Variants in RGS6 observed in about 807,000 individuals in gnomAD.
RGS6 encodes the protein regulator of G-protein signaling 6.
Under a neutral mutation model 78.5 loss-of-function variants are expected in RGS6, and 30 were observed. That is an observed-to-expected ratio of 0.38 (90% CI 0.29 to 0.52). The LOEUF (loss-of-function observed/expected upper bound fraction) is 0.52. Ranked by LOEUF, RGS6 falls within the 20% of genes least tolerant of loss-of-function variation. The pLI, the probability that RGS6 is intolerant of heterozygous loss-of-function variation, is 0.85. For synonymous variants in RGS6, 206 were observed against 206.0 expected, an observed-to-expected ratio of 1.00 and a Z score of 0.00; for missense variants, 495 against 609.7, an observed-to-expected ratio of 0.81 and a Z score of 1.98.
At chr14:72,413,012 T>C (rs940171468) in intron 3 of RGS6, among the ~76,000 whole-genome samples, 10 of 152,148 alleles carry the variant, frequency 6.6e-5, no homozygotes, top group African/African-American at 2.4e-4. Context: ...TTGAAATAGG[T>C]GTGGTGTGGT....
chr14:71,927,052 T>C, the RGS6 span, among the ~76,000 whole-genome samples: 1 of 152,218 alleles, frequency 6.6e-6, no homozygotes, highest in Non-Finnish European at 1.5e-5. Flanking sequence ...TATTCTGTGA[T>C]AATTCTGACT....
At chr14:72,077,374 T>C (rs1362519130) in intron 2 of RGS6, among the ~76,000 whole-genome samples, 1 of 152,182 alleles carries the variant, frequency 6.6e-6, no homozygotes, top group Non-Finnish European at 1.5e-5. Flanking sequence ...TCTCTCATGT[T>C]TTCTATTAGT....
intron 2 of RGS6, among the ~76,000 whole-genome samples, chr14:72,068,192 G>A (rs1415022295): frequency 6.7e-6 from 1 of 149,550 alleles, no homozygotes; most frequent in Non-Finnish European, 1.5e-5. Context: ...GGAGTGCAGT[G>A]GTACAATCTT....
At chr14:72,540,505 AG>A in intron 17 of RGS6, 22 of 1,544,116 alleles carry the variant, frequency 1.4e-5, no homozygotes, top group Admixed American at 6.0e-5. Flanking sequence ...AAAAAAAAAA[AG>A]CCAAAATTTC....
intron 2 of RGS6, among the ~76,000 whole-genome samples, chr14:72,267,279 A>G (rs531122223): frequency 6.6e-6 from 1 of 152,308 alleles, no homozygotes; most frequent in African/African-American, 2.4e-5. Flanking sequence ...TGATTGGGAA[A>G]TAGATTTTAA....
At chr14:72,252,094 A>C (rs543894855) in intron 2 of RGS6, among the ~76,000 whole-genome samples, 1 of 152,204 alleles carries the variant, frequency 6.6e-6, no homozygotes, top group Non-Finnish European at 1.5e-5. Context: ...AGATGGATGC[A>C]CTTGTGCTTT....
intron 2 of RGS6, among the ~76,000 whole-genome samples, chr14:72,320,626 CT>C (rs375956019): frequency 6.6e-6 from 1 of 151,198 alleles, no homozygotes; most frequent in Non-Finnish European, 1.5e-5. Context: ...CTATTAAAGA[CT>C]TTATCTAAGA....
chr14:72,430,080 G>A (rs1250191822), intron 3 of RGS6, among the ~76,000 whole-genome samples: 1 of 152,112 alleles, frequency 6.6e-6, no homozygotes, highest in African/African-American at 2.4e-5. Flanking sequence ...CCAGTCTCTG[G>A]CAGTTCTTTA....
Position 71,964,893 on chromosome 14 carries a change from G to A in RGS6, c.84+18G>A. 2 of 1,598,948 alleles carry A rather than the reference G, an allele frequency of 1.3e-6. No homozygotes were observed. Among genetic ancestry groups the A allele is most frequent in the Non-Finnish European group, 8.6e-7 (1 of 1,166,946 alleles). On this transcript the variant is annotated intron_variant, in intron 2 of 17. Coordinates refer to ENST00000553525, the MANE Select transcript of RGS6 (RefSeq NM_001204424.2). ...ACTGCAAAGTAAGGCGCCTGGTCAAGTGCCGTGCGTGCTGTCCGTGTGGAC... is the reference window on the plus strand; with the variant it reads ...ACTGCAAAGTAAGGCGCCTGGTCAAATGCCGTGCGTGCTGTCCGTGTGGAC...
the RGS6 span, among the ~76,000 whole-genome samples, chr14:72,597,238 C>CA: frequency 1.2e-3 from 169 of 142,990 alleles, 2 homozygotes; most frequent in Non-Finnish European, 1.4e-3. Flanking sequence ...GACTCCATCT[C>CA]AAAAAAAAAG....
rs551177923 is a variant in RGS6 at position 72,210,900 on chromosome 14, C to T, written c.85-141195C>T. 9.7e-4 allele frequency among the ~76,000 whole-genome samples: 147 copies of T among 152,122 alleles called. 1 individual carries two copies. The highest frequency in any genetic ancestry group is 3.3e-3 in the African/African-American group (135 of 41,508). ...CTGTAATTGAGCAATAAACAACAAACTTTTGTCTGTATGTATCCATACTAC... is the reference window on the plus strand; with the variant it reads ...CTGTAATTGAGCAATAAACAACAAATTTTTGTCTGTATGTATCCATACTAC... On this transcript the variant is annotated intron_variant, in intron 2 of 17. Coordinates refer to ENST00000553525, the MANE Select transcript of RGS6 (RefSeq NM_001204424.2).
At chr14:72,515,395 A>G (rs751986092) in intron 14 of RGS6, among the ~76,000 whole-genome samples, 7 of 152,216 alleles carry the variant, frequency 4.6e-5, no homozygotes, top group Non-Finnish European at 1.0e-4. Context: ...GCCTGGTGCA[A>G]TGGCTCACGC....
intron 3 of RGS6, among the ~76,000 whole-genome samples, chr14:72,424,907 C>G (rs940823225): frequency 6.6e-6 from 1 of 152,084 alleles, no homozygotes. Context: ...GTTTACAAAC[C>G]CTTCAGTGAT....
chr14:72,441,336 C>G (rs1223724213), intron 3 of RGS6, among the ~76,000 whole-genome samples: 2 of 152,218 alleles, frequency 1.3e-5, no homozygotes, highest in Admixed American at 1.3e-4. Flanking sequence ...TAAAATCTCT[C>G]CTCAGTCTCA....
At chr14:72,322,167 T>A (rs186751334) in intron 2 of RGS6, among the ~76,000 whole-genome samples, 1 of 151,900 alleles carries the variant, frequency 6.6e-6, no homozygotes, top group African/African-American at 2.4e-5. Flanking sequence ...AAATTAAATA[T>A]AAGAAAAATA....
At chr14:72,312,217 G>A (rs975908649) in intron 2 of RGS6, among the ~76,000 whole-genome samples, 3 of 127,310 alleles carry the variant, frequency 2.4e-5, no homozygotes, top group African/African-American at 6.7e-5. Flanking sequence ...TACATTGGCT[G>A]AGAAATTGTT....
intron 2 of RGS6, among the ~76,000 whole-genome samples, chr14:72,280,650 A>G (rs1266046670): frequency 6.6e-6 from 1 of 152,242 alleles, no homozygotes; most frequent in Non-Finnish European, 1.5e-5. Flanking sequence ...GGAACTTGCA[A>G]GGTAGTCAGA....
intron 1 of RGS6, among the ~76,000 whole-genome samples, chr14:71,937,843 A>G (rs2089767233): frequency 6.6e-6 from 1 of 152,244 alleles, no homozygotes; most frequent in African/African-American, 2.4e-5. Flanking sequence ...GAAGTCCAGT[A>G]TAATCAACCT....
At chr14:71,916,651 T>C in the RGS6 span, among the ~76,000 whole-genome samples, 512 of 152,212 alleles carry the variant, frequency 3.4e-3, 3 homozygotes, top group African/African-American at 0.011. Context: ...ATGGCACCAC[T>C]GAGGCATGAG....
Sources: allele counts gnomAD v4.1 joint callset (sites outside exome capture counted in the v4.1 genomes callset), GRCh38; gene constraint gnomAD v4.1.1; transcripts MANE v1.5; gene names NCBI Gene and HGNC (gene_info 2026-07-23, HGNC 2026-07-21).